Variants in GALNS observed in about 807,000 individuals in gnomAD.
GALNS encodes the protein galactosamine (N-acetyl)-6-sulfatase, also known as N-acetylgalactosamine-6-sulfatase.
GALNS carries 65 observed loss-of-function variants against 65.9 expected under a neutral mutation model. That is an observed-to-expected ratio of 0.99 (90% CI 0.81 to 1.21). GALNS has a LOEUF of 1.21. Ranked by LOEUF, GALNS falls within the 50% of genes most tolerant of loss-of-function variation. The pLI is 0.00. For synonymous variants in GALNS, 346 were observed against 288.9 expected (o/e 1.20, Z -2.00); for missense variants, 776 against 700.7 (o/e 1.11, Z -1.21).
chr16:88,835,038 G>A (rs760785042), intron 8 of GALNS, among the ~76,000 whole-genome samples, 175 bp downstream of exon 8: 2 of 152,206 alleles, frequency 1.3e-5, no homozygotes. Context: ...TTCCAGGTTA[G>A]TCCTGGGCCA....
At chr16:88,842,545 G>T in intron 2 of GALNS, 161 bp downstream of exon 2, 1 of 860,058 alleles carries the variant, frequency 1.2e-6, no homozygotes, top group Non-Finnish European at 1.8e-6. Flanking sequence ...GAGCCGGGCT[G>T]GGATTTGATG....
At chr16:88,838,186 G>A (rs2143002704) in intron 4 of GALNS, among the ~76,000 whole-genome samples, 1 of 152,292 alleles carries the variant, frequency 6.6e-6, no homozygotes, top group Admixed American at 6.5e-5. Flanking sequence ...GTTTTCCAGG[G>A]CAGAAAATAT....
At chr16:88,856,013 G>C (rs1484705378) in intron 1 of GALNS, 1 of 604,006 alleles carries the variant, frequency 1.7e-6, no homozygotes, top group Admixed American at 2.9e-5. Flanking sequence ...GAGACAGTAG[G>C]GTTTCAACCC....
intron 1 of GALNS, chr16:88,843,076 G>A (rs192490519): frequency 2.0e-6 from 3 of 1,510,136 alleles, no homozygotes; most frequent in African/African-American, 2.8e-5. Flanking sequence ...TCCACGGTCA[G>A]CCCACGCTGT....
rs150850700 is a variant in GALNS, at chr16:88,835,317, A to G, written c.794T>C (p.Ile265Thr). The G allele has an allele frequency of 5.0e-6, 8 of 1,613,612 alleles. No individual in the cohort carries two copies. Among genetic ancestry groups the G allele is most frequent in the East Asian group, 4.5e-5 (2 of 44,878 alleles). ...GDAVREIDDS[I>T]GKILELLQDL... Reference sequence around the variant, plus strand: ...TTGGAGGAGCTCCAGTATCTTCCCAATGCTGTCATCAATCTCCCGGACGGC... The same window carrying G: ...TTGGAGGAGCTCCAGTATCTTCCCAGTGCTGTCATCAATCTCCCGGACGGC... Residue 265 changes from isoleucine to threonine, a missense_variant, in exon 8 of 14, where the codon ATT (isoleucine) becomes ACT (threonine). Ile to Thr is a moderately conservative substitution (Grantham distance 89). Transcript: ENST00000268695.
intron 4 of GALNS, among the ~76,000 whole-genome samples, chr16:88,838,073 G>T (rs574726776): frequency 3.3e-5 from 5 of 152,286 alleles, no homozygotes; most frequent in African/African-American, 1.2e-4. Flanking sequence ...CCTGGAACCC[G>T]CCTGACATGC....
At chr16:88,835,503 T>G in intron 7 of GALNS, 151 bp from the exon 8 acceptor site, 2 of 1,253,570 alleles carry the variant, frequency 1.6e-6, no homozygotes, top group Non-Finnish European at 2.3e-6. Flanking sequence ...AGAAGAGGAA[T>G]GGCCTCAGTT....
intron 1 of GALNS, among the ~76,000 whole-genome samples, chr16:88,847,958 G>A (rs1241445179): frequency 2.0e-5 from 3 of 152,236 alleles, no homozygotes; most frequent in Non-Finnish European, 4.4e-5. Flanking sequence ...GCCCATCCAT[G>A]GGTGGAAGCC....
In GALNS at chr16:88,841,107, C is replaced by G; in HGVS notation, c.320-13G>C. 1 of 1,608,488 alleles carries G rather than the reference C, an allele frequency of 6.2e-7. No individual in the cohort carries two copies. Among genetic ancestry groups the G allele is most frequent in the Non-Finnish European group, 8.5e-7 (1 of 1,175,932 alleles). On this transcript the variant is annotated splice_polypyrimidine_tract_variant and intron_variant, in intron 3 of 13. Coordinates refer to ENST00000268695, the MANE Select transcript of GALNS (RefSeq NM_000512.5). Reference sequence around the variant, plus strand: ...TGCGGTGTGTAGGCTGGAAGAGCAGCGCTGGGTGAGCCCCGAGGAGACCCC... The same window carrying G: ...TGCGGTGTGTAGGCTGGAAGAGCAGGGCTGGGTGAGCCCCGAGGAGACCCC...
chr16:88,854,005 C>A (rs193287761), intron 1 of GALNS, among the ~76,000 whole-genome samples: 1 of 152,316 alleles, frequency 6.6e-6, no homozygotes, highest in East Asian at 1.9e-4. Flanking sequence ...TTGGGGACAA[C>A]CCTTTTCTGA....
intron 1 of GALNS, chr16:88,855,875 G>A (rs1319204507): frequency 5.9e-6 from 3 of 505,874 alleles, no homozygotes; most frequent in South Asian, 2.2e-5. Context: ...GAGCGACACC[G>A]ACGGCCCAAA....
At chr16:88,851,014 A>T (rs890222141) in intron 1 of GALNS, among the ~76,000 whole-genome samples, 5 of 152,212 alleles carry the variant, frequency 3.3e-5, no homozygotes, top group African/African-American at 1.2e-4. Flanking sequence ...GCAACGTCCC[A>T]CACGTGGGCC....
At chr16:88,848,037 C>T (rs1001491302) in intron 1 of GALNS, among the ~76,000 whole-genome samples, 5 of 152,230 alleles carry the variant, frequency 3.3e-5, no homozygotes, top group Admixed American at 6.5e-5. Context: ...AGTCCTCACA[C>T]AGGCTGTGTG....
chr16:88,841,260 C>G (rs537832313), intron 3 of GALNS, among the ~76,000 whole-genome samples, 166 bp from the exon 4 acceptor site: 9 of 152,192 alleles, frequency 5.9e-5, no homozygotes, highest in Non-Finnish European at 1.0e-4. Flanking sequence ...CATGGCACTT[C>G]CCAAGATTTT....
At position 88,817,102 on chromosome 16, in the gene GALNS, C is replaced by A. The variant is rs755445132; in HGVS notation, c.1482+905G>T. On this transcript the variant is annotated intron_variant, in intron 13 of 13. Transcript: ENST00000268695. ...AGACCTGCCCTGCTGGGACCCACAT[C>A]AGCTGTGCTGGGAAACAGGCCTTTG... is the stretch of plus-strand genomic sequence containing the variant. 4.1e-6 allele frequency: 4 copies of A among 985,340 alleles called. No individual in the cohort carries two copies. The Admixed American group carries it at 2.5e-4, about 61-fold the overall frequency. 61.0% of individuals were successfully genotyped at this position (985,340 alleles called of 1,614,324 possible). A position where few individuals can be genotyped will look rare whatever the true frequency, so the allele number is the denominator to read the frequency against.
At chr16:88,815,885 C>T (rs944288122) in intron 13 of GALNS, 24 of 985,252 alleles carry the variant, frequency 2.4e-5, no homozygotes, top group African/African-American at 7.0e-5. Flanking sequence ...TCTCAAAGGC[C>T]GCTCAGCTGT....
rs1402215114 is a variant in GALNS at position 88,845,086 on chromosome 16, G to A, written c.121-2257C>T. On this transcript the variant is annotated intron_variant, in intron 1 of 13. Transcript: ENST00000268695. ...TGGTGGGCCGGGCTCGGTGGCTCAC[G>A]CCTGTAATCCCAGCACCGTGGGAGG... 2.6e-5 allele frequency: 4 copies of A among 152,330 alleles called. No homozygotes were observed. The South Asian group carries it at 6.2e-4, about 24-fold the overall frequency. The allele number at this position is 152,330 out of a possible 1,614,324, so 9.4% of individuals were successfully genotyped here.
chr16:88,849,621 C>G (rs377736608), intron 1 of GALNS, among the ~76,000 whole-genome samples: 10 of 152,234 alleles, frequency 6.6e-5, no homozygotes, highest in African/African-American at 2.4e-4. Flanking sequence ...TGGAGTTTTG[C>G]CACGTTGCCC....
At chr16:88,842,515 G>A (rs763683006) in intron 2 of GALNS, 191 bp downstream of exon 2, 10 of 677,984 alleles carry the variant, frequency 1.5e-5, no homozygotes, top group Non-Finnish European at 2.5e-5. Flanking sequence ...CCCAGCAGGT[G>A]CCGCACCCCA....
Sources: gnomAD v4.1 joint callset for allele counts (sites outside exome capture counted in the v4.1 genomes callset) on GRCh38, gnomAD v4.1.1 for gene constraint, MANE v1.5 for transcripts, NCBI Gene and HGNC (gene_info 2026-07-23, HGNC 2026-07-21) for gene names.